Variants in CSMD1 observed in about 807,000 individuals in gnomAD.
CSMD1 encodes the protein CUB and sushi domain-containing protein 1.
Under a neutral mutation model 417.5 loss-of-function variants are expected in CSMD1, and 213 were observed. The observed-to-expected ratio is 0.51, with a 90% CI of 0.46 to 0.57. The LOEUF (loss-of-function observed/expected upper bound fraction) is 0.57. CSMD1 is among the 20% of genes least tolerant of loss of function. CSMD1 has a pLI of 0.00. For missense variants in CSMD1, 6,923 were observed against 4,529.7 expected (o/e 1.53, Z -15.17); for synonymous variants, 2,862 against 1,736.8 (o/e 1.65, Z -16.11).
At chr8:3,141,847 G>C (rs576133755) in intron 41 of CSMD1, among the ~76,000 whole-genome samples, 70 of 150,634 alleles carry the variant, frequency 4.6e-4, no homozygotes, top group African/African-American at 1.5e-3. Flanking sequence ...GCCCAGGCTG[G>C]AGTGCAGTGG....
At chr8:4,302,597 G>A (rs914549267) in intron 3 of CSMD1, among the ~76,000 whole-genome samples, 2 of 152,160 alleles carry the variant, frequency 1.3e-5, no homozygotes, top group African/African-American at 2.4e-5. Flanking sequence ...TGCACCGTAA[G>A]GGGATTCTCT....
chr8:4,214,030 G>C (rs991645985), intron 3 of CSMD1, among the ~76,000 whole-genome samples: 8 of 152,230 alleles, frequency 5.3e-5, no homozygotes, highest in African/African-American at 1.4e-4. Context: ...AGTAACAATG[G>C]ACAAAAAGGA....
intron 8 of CSMD1, among the ~76,000 whole-genome samples, chr8:3,605,400 C>G (rs7843402): frequency 0.029 from 4,430 of 152,266 alleles, 199 homozygotes; most frequent in African/African-American, 0.099. Context: ...CCTCTGCTCT[C>G]GCTGGAGTTG....
intron 3 of CSMD1, among the ~76,000 whole-genome samples, chr8:4,312,465 G>GTATA (rs140158264): frequency 8.4e-6 from 1 of 119,246 alleles, no homozygotes; most frequent in African/African-American, 4.1e-5. Flanking sequence ...ATATATGCGC[G>GTATA]TATATATATA....
In CSMD1 at chr8:4,324,062, G is replaced by A. The variant is rs76487137; in HGVS notation, c.415+95891C>T. ...TCCTCTGTGTAGTTCAAATTTACCC[G>A]AGGCCAAGCTTAGATTTTACACCTT... On this transcript the variant is annotated intron_variant, in intron 3 of 69. Coordinates refer to ENST00000635120, the MANE Select transcript of CSMD1 (RefSeq NM_033225.6). Among the ~76,000 whole-genome samples, 379 of 152,212 alleles carry A rather than the reference G, an allele frequency of 2.5e-3. 4 individuals carry two copies. The highest frequency in any genetic ancestry group is 0.021 in the East Asian group (111 of 5,180).
chr8:2,957,312 C>T (rs547288544), intron 63 of CSMD1, among the ~76,000 whole-genome samples: 11 of 152,268 alleles, frequency 7.2e-5, no homozygotes, highest in African/African-American at 2.2e-4. Flanking sequence ...AATAATAGCA[C>T]GTACAAATAA....
intron 48 of CSMD1, among the ~76,000 whole-genome samples, chr8:3,088,606 G>A (rs1814706193): frequency 1.3e-5 from 2 of 151,816 alleles, no homozygotes; most frequent in Admixed American, 1.3e-4. Flanking sequence ...ATTCTCAGCT[G>A]GGTGAGCCTC....
At chr8:3,337,583 G>A (rs1467387789) in intron 23 of CSMD1, among the ~76,000 whole-genome samples, 1 of 152,182 alleles carries the variant, frequency 6.6e-6, no homozygotes, top group African/African-American at 2.4e-5. Context: ...TATGTCTAAT[G>A]CTGATGTACA....
intron 2 of CSMD1, among the ~76,000 whole-genome samples, chr8:4,608,642 T>C (rs1328130287): frequency 6.6e-6 from 1 of 152,222 alleles, no homozygotes; most frequent in African/African-American, 2.4e-5. Context: ...GCCATACATT[T>C]TTAATCACCG....
chr8:4,007,332 T>A, intron 4 of CSMD1, among the ~76,000 whole-genome samples: 1 of 152,210 alleles, frequency 6.6e-6, no homozygotes. Flanking sequence ...TCCACCTCCT[T>A]TGGCTCCCAT....
At chr8:3,523,576 T>C (rs1031634950) in intron 10 of CSMD1, among the ~76,000 whole-genome samples, 2 of 146,642 alleles carry the variant, frequency 1.4e-5, no homozygotes, top group African/African-American at 5.0e-5. Flanking sequence ...CACACACACA[T>C]GTACACACAG....
At chr8:3,790,050 G>T (rs1029468312) in intron 5 of CSMD1, among the ~76,000 whole-genome samples, 7 of 152,120 alleles carry the variant, frequency 4.6e-5, no homozygotes, top group African/African-American at 7.2e-5. Flanking sequence ...TAATATTAAT[G>T]TAAGAAATTA....
At position 4,815,424 on chromosome 8, in the gene CSMD1, A is replaced by T. The variant is rs947538286; in HGVS notation, c.86-177866T>A. On this transcript the variant is annotated intron_variant, in intron 1 of 69. Coordinates refer to ENST00000635120, the MANE Select transcript of CSMD1 (RefSeq NM_033225.6). ...ATATATTAAGAAAGGAACCGGGCTT[A>T]TTGGCTCAAGCCTATAATCCCAGCA... Among the ~76,000 whole-genome samples, 3 of 152,208 alleles carry T rather than the reference A, an allele frequency of 2.0e-5. No homozygotes were observed. The East Asian group carries it at 5.8e-4, about 29-fold the overall frequency.
chr8:4,008,010 G>A (rs1455790555), intron 4 of CSMD1, among the ~76,000 whole-genome samples: 1 of 152,180 alleles, frequency 6.6e-6, no homozygotes, highest in African/African-American at 2.4e-5. Context: ...CAATCCATAA[G>A]AGGTTTATTT....
intron 2 of CSMD1, among the ~76,000 whole-genome samples, chr8:4,543,131 G>T (rs1384924674): frequency 6.6e-6 from 1 of 152,078 alleles, no homozygotes; most frequent in Non-Finnish European, 1.5e-5. Context: ...TATTACAATT[G>T]ATGAATACTG....
rs188196617 is a variant in CSMD1 at position 3,932,669 on chromosome 8, G to A, written c.818+65234C>T. 6.1e-4 allele frequency among the ~76,000 whole-genome samples: 91 copies of A among 150,244 alleles called. 11 individuals are homozygous for A. Among genetic ancestry groups the A allele is most frequent in the African/African-American group, 2.9e-4 (12 of 40,740 alleles). ...GTTATTAGGGAATTCTCAAAAAGCCGGTCCAATAAACTCATAAGATCGTAA... is the reference window on the plus strand; with the variant it reads ...GTTATTAGGGAATTCTCAAAAAGCCAGTCCAATAAACTCATAAGATCGTAA... On this transcript the variant is annotated intron_variant, in intron 5 of 69. Transcript: ENST00000635120.
intron 1 of CSMD1, among the ~76,000 whole-genome samples, chr8:4,882,052 T>G (rs1027058088): frequency 1.4e-4 from 22 of 152,222 alleles, no homozygotes; most frequent in South Asian, 6.2e-4. Context: ...TCACTGAATT[T>G]CTGTTTTCTT....
At chr8:4,685,767 A>C (rs536042153) in intron 1 of CSMD1, among the ~76,000 whole-genome samples, 2 of 152,312 alleles carry the variant, frequency 1.3e-5, no homozygotes, top group Non-Finnish European at 2.9e-5. Context: ...GTTGGTGAGA[A>C]AAAAATATTT....
intron 1 of CSMD1, among the ~76,000 whole-genome samples, chr8:4,981,944 C>T (rs1277760941): frequency 6.6e-6 from 1 of 152,112 alleles, no homozygotes; most frequent in Non-Finnish European, 1.5e-5. Flanking sequence ...TAGGAAGTCC[C>T]AGGTGACAAC....
Sources: allele counts gnomAD v4.1 joint callset (sites outside exome capture counted in the v4.1 genomes callset), GRCh38; gene constraint gnomAD v4.1.1; transcripts MANE v1.5; gene names NCBI Gene and HGNC (gene_info 2026-07-23, HGNC 2026-07-21).